SGCZ: variants seen among roughly 807,000 people sequenced by gnomAD.
The protein encoded by SGCZ is zeta-sarcoglycan.
In SGCZ, 40 loss-of-function variants were observed where a neutral mutation model predicts 41.3. The ratio of observed to expected loss-of-function variants is 0.97; its 90% CI spans 0.75 to 1.26. The LOEUF (loss-of-function observed/expected upper bound fraction) is 1.26. Ranked by LOEUF, SGCZ falls within the 50% of genes most tolerant of loss-of-function variation. SGCZ has a pLI of 0.00. For synonymous variants in SGCZ, 206 were observed against 137.5 expected (o/e 1.50, Z -3.49); for missense variants, 552 against 369.8 (o/e 1.49, Z -4.04).
At chr8:14,858,615 G>A (rs138568353) in intron 1 of SGCZ, among the ~76,000 whole-genome samples, 22 of 152,242 alleles carry the variant, frequency 1.4e-4, no homozygotes, top group African/African-American at 5.3e-4. Context: ...GTTGCAATGT[G>A]TAATCTGAAA....
At position 15,217,280 on chromosome 8, in the gene SGCZ, G is replaced by A. The variant is rs1339703874; in HGVS notation, c.39+20305C>T. Among the ~76,000 whole-genome samples, 67 of 151,684 alleles carry A rather than the reference G, an allele frequency of 4.4e-4. 1 individual carries two copies. The highest frequency in any genetic ancestry group is 1.5e-3 in the African/African-American group (63 of 41,364). ...AAAATACAAAAAATTAGCCGGGCGT[G>A]TTGGCGGGCGCCTGTAGTCCCAGCT... On this transcript the variant is annotated intron_variant, in intron 1 of 7. Coordinates refer to ENST00000382080, the MANE Select transcript of SGCZ (RefSeq NM_139167.4).
intron 1 of SGCZ, among the ~76,000 whole-genome samples, chr8:14,700,451 A>C (rs66752930): frequency 0.29 from 44,613 of 151,672 alleles, 6,984 homozygotes; most frequent in East Asian, 0.4. Flanking sequence ...GACACTGAGG[A>C]CTACTAGAGG....
At chr8:15,159,282 C>T (rs1799427628) in intron 1 of SGCZ, among the ~76,000 whole-genome samples, 2 of 152,148 alleles carry the variant, frequency 1.3e-5, no homozygotes, top group African/African-American at 4.8e-5. Context: ...CAATTACTGC[C>T]TTAGGTGACT....
chr8:14,536,059 A>T (rs1170105463), intron 2 of SGCZ, among the ~76,000 whole-genome samples: 2 of 151,922 alleles, frequency 1.3e-5, no homozygotes, highest in African/African-American at 2.4e-5. Flanking sequence ...CTGGGGAAAT[A>T]CACTCATATT....
intron 5 of SGCZ, among the ~76,000 whole-genome samples, chr8:14,111,219 A>G (rs1461244388): frequency 6.6e-6 from 1 of 152,166 alleles, no homozygotes; most frequent in Non-Finnish European, 1.5e-5. Context: ...ATCATTTTTT[A>G]GTATAAGTAT....
chr8:14,626,857 A>G (rs1806476464), intron 1 of SGCZ, among the ~76,000 whole-genome samples: 1 of 152,164 alleles, frequency 6.6e-6, no homozygotes. Context: ...TAATCCACTT[A>G]GTTTGTGGTA....
chr8:15,014,764 C>T (rs1191418351), intron 1 of SGCZ, among the ~76,000 whole-genome samples: 1 of 152,190 alleles, frequency 6.6e-6, no homozygotes, highest in Non-Finnish European at 1.5e-5. Flanking sequence ...AGGCTTGATT[C>T]CTTCAGGATA....
At chr8:14,154,820 G>A (rs1242048551) in intron 5 of SGCZ, among the ~76,000 whole-genome samples, 1 of 152,162 alleles carries the variant, frequency 6.6e-6, no homozygotes, top group Non-Finnish European at 1.5e-5. Context: ...TGGGCCACAT[G>A]TAGGTGTTCT....
At chr8:14,607,514 T>C (rs552301753) in intron 1 of SGCZ, among the ~76,000 whole-genome samples, 4 of 152,182 alleles carry the variant, frequency 2.6e-5, no homozygotes, top group Non-Finnish European at 5.9e-5. Context: ...ATATGTTACA[T>C]TGATTCTTCA....
intron 2 of SGCZ, among the ~76,000 whole-genome samples, chr8:14,546,094 G>A (rs991380770): frequency 4.6e-4 from 70 of 152,130 alleles, no homozygotes; most frequent in African/African-American, 1.4e-3. Context: ...AGCTGCATAC[G>A]GAAGGGTATA....
At chr8:14,431,821 C>T (rs987033383) in intron 2 of SGCZ, among the ~76,000 whole-genome samples, 1 of 152,090 alleles carries the variant, frequency 6.6e-6, no homozygotes, top group Non-Finnish European at 1.5e-5. Flanking sequence ...ACAACCAACT[C>T]AACCAAATTA....
At chr8:15,011,566 T>A (rs1223492289) in intron 1 of SGCZ, among the ~76,000 whole-genome samples, 2 of 152,272 alleles carry the variant, frequency 1.3e-5, no homozygotes, top group African/African-American at 2.4e-5. Context: ...TATAAGATAG[T>A]TTTCACTGTC....
At chr8:14,342,350 T>A (rs1308858135) in intron 2 of SGCZ, among the ~76,000 whole-genome samples, 1 of 152,170 alleles carries the variant, frequency 6.6e-6, no homozygotes, top group Non-Finnish European at 1.5e-5. Context: ...GCAGTCTCAC[T>A]CTGTCGCCCA....
chr8:14,362,172 T>C (rs948492877), intron 2 of SGCZ, among the ~76,000 whole-genome samples: 5 of 152,190 alleles, frequency 3.3e-5, no homozygotes, highest in African/African-American at 1.2e-4. Context: ...AGTCTGTCCA[T>C]TATTGATGTT....
chr8:14,197,737 C>T (rs1805312759), intron 4 of SGCZ, among the ~76,000 whole-genome samples: 1 of 151,924 alleles, frequency 6.6e-6, no homozygotes, highest in African/African-American at 2.4e-5. Flanking sequence ...TGCTTTTCCC[C>T]TAAGTTTCAG....
In SGCZ at chr8:14,838,577, T is replaced by C. The variant is rs115936913; in HGVS notation, c.40-283651A>G. Among the ~76,000 whole-genome samples, 1,029 of 152,220 alleles carry C rather than the reference T, an allele frequency of 6.8e-3. 8 individuals carry two copies. Among genetic ancestry groups the C allele is most frequent in the African/African-American group, 0.023 (962 of 41,526 alleles). ...CTCAGACTAGGCAATCTGAAGCTGTTTACCTCCCCTGCCTTGCTTTTCCCT... is the reference window on the plus strand; with the variant it reads ...CTCAGACTAGGCAATCTGAAGCTGTCTACCTCCCCTGCCTTGCTTTTCCCT... On this transcript the variant is annotated intron_variant, in intron 1 of 7. Transcript: ENST00000382080.
intron 1 of SGCZ, among the ~76,000 whole-genome samples, chr8:15,001,400 T>A (rs1276198933): frequency 1.3e-5 from 2 of 152,146 alleles, no homozygotes; most frequent in African/African-American, 2.4e-5. Context: ...TCACAAGGTA[T>A]CTGAATCAGT....
intron 2 of SGCZ, among the ~76,000 whole-genome samples, chr8:14,532,054 A>G (rs1013227369): frequency 1.3e-5 from 2 of 152,110 alleles, no homozygotes; most frequent in African/African-American, 4.8e-5. Context: ...TTTCTTTAGC[A>G]ATCAGTACAT....
At chr8:14,970,647 G>C (rs1230722832) in intron 1 of SGCZ, among the ~76,000 whole-genome samples, 1 of 152,018 alleles carries the variant, frequency 6.6e-6, no homozygotes, top group South Asian at 2.1e-4. Flanking sequence ...CATTTCTTCT[G>C]TTCCATTGAC....
Sources: allele counts gnomAD v4.1 joint callset (sites outside exome capture counted in the v4.1 genomes callset), GRCh38; gene constraint gnomAD v4.1.1; transcripts MANE v1.5; gene names NCBI Gene and HGNC (gene_info 2026-07-23, HGNC 2026-07-21).